AK7: variants seen among roughly 807,000 people sequenced by gnomAD.
The protein encoded by AK7 is ATP-AMP transphosphorylase 7.
AK7 carries 78 observed loss-of-function variants against 96.6 expected under a neutral mutation model. That is an observed-to-expected ratio of 0.81 (90% CI 0.67 to 0.97). The LOEUF is 0.97. Ranked by LOEUF, AK7 falls within the 50% of genes least tolerant of loss-of-function variation. The probability of loss-of-function intolerance (pLI) is 0.00; values close to 1 mark genes in which losing one functional copy is unlikely to be tolerated. For synonymous variants in AK7, 302 were observed against 317.2 expected (o/e 0.95, Z 0.51); for missense variants, 855 against 887.9 (o/e 0.96, Z 0.47).
chr14:96,467,591 C>A (rs1253205990), intron 12 of AK7, among the ~76,000 whole-genome samples: 1 of 152,144 alleles, frequency 6.6e-6, no homozygotes, highest in Non-Finnish European at 1.5e-5. Flanking sequence ...CCACCCGCCT[C>A]GGCCTCCCAA....
chr14:96,465,394 C>T (rs979018313), intron 12 of AK7, among the ~76,000 whole-genome samples: 11 of 151,290 alleles, frequency 7.3e-5, no homozygotes, highest in African/African-American at 2.4e-4. Flanking sequence ...ACCCGGGAGG[C>T]GGAGCTTGCA....
intron 3 of AK7, among the ~76,000 whole-genome samples, chr14:96,405,883 G>C (rs1890681749): frequency 6.6e-6 from 1 of 152,180 alleles, no homozygotes; most frequent in Non-Finnish European, 1.5e-5. Context: ...TGGTGCTTTT[G>C]TGATTCACCT....
intron 1 of AK7, 125 bp from the exon 2 acceptor site, chr14:96,397,950 G>T: frequency 1.1e-6 from 1 of 887,278 alleles, no homozygotes. Flanking sequence ...AGTGTGCAAA[G>T]CATTTGCTTT....
In AK7 at chr14:96,442,745, G is replaced by T. The variant is rs114393353; in HGVS notation, c.706G>T (p.Glu236Ter). Reference sequence around the variant, plus strand: ...TTCCTTTCAGATGGCTTGGTTGGGCGAGATTCCTGCATTACCAGTTTTTGG... The same window carrying T: ...TTCCTTTCAGATGGCTTGGTTGGGCTAGATTCCTGCATTACCAGTTTTTGG... ...HTFFKMAWLG[E>*]IPALPVFGDG... Residue 236 changes from glutamate to a stop codon, truncating the protein, a stop_gained, in exon 7 of 18, where the codon GAG (glutamate) becomes TAG (stop). Transcript: ENST00000267584. LOFTEE classifies it high-confidence loss of function. 1 of 1,614,118 alleles carries T rather than the reference G, an allele frequency of 6.2e-7. No individual in the cohort carries two copies. The highest frequency in any genetic ancestry group is 8.5e-7 in the Non-Finnish European group (1 of 1,179,972).
chr14:96,411,621 G>C (rs1164408981), intron 4 of AK7, among the ~76,000 whole-genome samples: 1 of 152,128 alleles, frequency 6.6e-6, no homozygotes, highest in Non-Finnish European at 1.5e-5. Context: ...GCTGCAATAG[G>C]ATTAATGAAG....
chr14:96,449,962 T>C (rs1893496285), intron 9 of AK7, 83 bp downstream of exon 9: 1 of 1,139,552 alleles, frequency 8.8e-7, no homozygotes, highest in South Asian at 1.5e-5. Context: ...ATCAGATAGG[T>C]TTTGGCTAAA....
intron 15 of AK7, among the ~76,000 whole-genome samples, chr14:96,482,695 C>G (rs1895563583): frequency 6.6e-6 from 1 of 152,204 alleles, no homozygotes; most frequent in South Asian, 2.1e-4. Flanking sequence ...TGCTTGAATA[C>G]TTCCAGGCAT....
Position 96,471,555 on chromosome 14 carries a change from A to G in AK7, c.1435A>G (p.Ile479Val), listed in dbSNP as rs1894889966. The G allele has an allele frequency of 6.3e-7, 1 of 1,599,126 alleles. No homozygotes were observed. Among genetic ancestry groups the G allele is most frequent in the African/African-American group, 1.3e-5 (1 of 74,442 alleles). ...KSMPCRNQGY[I>V]LDGFPKTYDQ... The stretch of plus-strand genomic sequence containing the variant: ...AATGCCTTGCAGGAATCAAGGTTAT[A>G]TTTTGGATGGATTCCCAAAGACCTA... Residue 479 changes from isoleucine to valine, a missense_variant, in exon 13 of 18, where the codon ATT becomes GTT. Transcript: ENST00000267584.
At chr14:96,452,614 C>T (rs765414841) in intron 10 of AK7, among the ~76,000 whole-genome samples, 1 of 152,180 alleles carries the variant, frequency 6.6e-6, no homozygotes, top group Non-Finnish European at 1.5e-5. Flanking sequence ...GCTTGAGCCA[C>T]CGTGCCTGGC....
intron 14 of AK7, among the ~76,000 whole-genome samples, chr14:96,475,145 A>G (rs958475852): frequency 4.5e-4 from 69 of 152,218 alleles, no homozygotes; most frequent in African/African-American, 1.4e-3. Flanking sequence ...GACGTAATCT[A>G]TTTGGAACGT....
chr14:96,445,110 C>A (rs1259596467), intron 7 of AK7, among the ~76,000 whole-genome samples: 2 of 152,214 alleles, frequency 1.3e-5, no homozygotes, highest in East Asian at 3.8e-4. Context: ...TTTGTTTCTG[C>A]TTTCTGCAGC....
At chr14:96,456,885 G>A (rs939782111) in intron 11 of AK7, 2 of 194,630 alleles carry the variant, frequency 1.0e-5, no homozygotes, top group African/African-American at 2.3e-5. Flanking sequence ...GGCTGCCCCC[G>A]GAGCCACAGT....
chr14:96,459,530 C>A (rs1330102547), intron 12 of AK7, among the ~76,000 whole-genome samples: 1 of 151,854 alleles, frequency 6.6e-6, no homozygotes, highest in Admixed American at 6.6e-5. Context: ...AATGTTCAGG[C>A]AAATTGATAA....
At chr14:96,412,214 CT>C (rs2140014108) in intron 4 of AK7, among the ~76,000 whole-genome samples, 1 of 124,194 alleles carries the variant, frequency 8.1e-6, no homozygotes, top group South Asian at 2.7e-4. Context: ...TACTTTCTTC[CT>C]TTCTTTCTTT....
rs757482469 is a variant in AK7, at chr14:96,398,257, G to A, written c.288G>A (p.Thr96=). 1.4e-4 allele frequency: 218 copies of A among 1,612,690 alleles called. No individual in the cohort carries two copies. Among genetic ancestry groups the A allele is most frequent in the Admixed American group, 2.0e-4 (12 of 60,002 alleles). The change falls in exon 2 of 18, where the codon ACG becomes ACA. Residue 96 remains threonine (T), a synonymous_variant. Transcript: ENST00000267584. ...CGCGGCCTGACTTTGCGGTGGAGAC[G>A]TACTCTGTAAGTCCCGGAGGCTCTG... ...DSPRPDFAVE[T]YSAISREDLL...
chr14:96,447,592 G>A (rs1464007681), intron 8 of AK7, among the ~76,000 whole-genome samples: 1 of 152,024 alleles, frequency 6.6e-6, no homozygotes, highest in Non-Finnish European at 1.5e-5. Context: ...AAAGTGCTGG[G>A]ATTACAGGGG....
chr14:96,464,890 G>A (rs1028989463), intron 12 of AK7, among the ~76,000 whole-genome samples: 1 of 152,112 alleles, frequency 6.6e-6, no homozygotes, highest in South Asian at 2.1e-4. Context: ...AGCAGGTTTG[G>A]CTTTATCTGG....
At chr14:96,438,327 C>T (rs986128976) in intron 6 of AK7, among the ~76,000 whole-genome samples, 3 of 152,044 alleles carry the variant, frequency 2.0e-5, no homozygotes, top group Admixed American at 6.6e-5. Flanking sequence ...TGGAAAACAA[C>T]AGAGCAGAGA....
At position 96,399,684 on chromosome 14, in the gene AK7, G is replaced by C. The variant is rs139076232; in HGVS notation, c.294+1421G>C. 5.2e-4 allele frequency among the ~76,000 whole-genome samples: 79 copies of C among 152,350 alleles called. 1 individual carries two copies. Among genetic ancestry groups the C allele is most frequent in the African/African-American group, 1.9e-3 (77 of 41,594 alleles). On this transcript the variant is annotated intron_variant, in intron 2 of 17. Transcript: ENST00000267584. The surrounding 1 kb of genome is among the most constrained non-coding windows in gnomAD (Gnocchi z 4.1). The stretch of plus-strand genomic sequence containing the variant: ...GGGGCTTAGCTCACCTGGCTTCACA[G>C]CAGCAGCCTGGCTTCCCGAGAGAAA...
Sources: allele counts gnomAD v4.1 joint callset (sites outside exome capture counted in the v4.1 genomes callset), GRCh38; gene constraint gnomAD v4.1.1; non-coding constraint Gnocchi (gnomAD v3.1); transcripts MANE v1.5; gene names NCBI Gene and HGNC (gene_info 2026-07-23, HGNC 2026-07-21).